EPHA6: variants seen among roughly 807,000 people sequenced by gnomAD.
EPHA6 encodes the protein ephrin type-A receptor 6.
EPHA6 carries 50 observed loss-of-function variants against 112.0 expected under a neutral mutation model. The ratio of observed to expected loss-of-function variants is 0.45; its 90% CI spans 0.36 to 0.56. The LOEUF (loss-of-function observed/expected upper bound fraction) is 0.56, where lower values mean the gene tolerates loss of function less well. EPHA6 is among the 20% of genes least tolerant of loss of function. EPHA6 has a pLI of 0.00. For missense variants in EPHA6, 1,280 were observed against 1,417.4 expected, an observed-to-expected ratio of 0.90 and a Z score of 1.56; for synonymous variants, 529 against 490.7, an observed-to-expected ratio of 1.08 and a Z score of -1.03.
chr3:96,942,754 G>T (rs2041041164), intron 2 of EPHA6, among the ~76,000 whole-genome samples: 1 of 152,176 alleles, frequency 6.6e-6, no homozygotes, highest in Non-Finnish European at 1.5e-5. Context: ...GGCCATCTTG[G>T]CTCCCGCTGC....
chr3:97,345,082 A>G (rs569492982), intron 5 of EPHA6, among the ~76,000 whole-genome samples: 81 of 144,224 alleles, frequency 5.6e-4, no homozygotes, highest in Admixed American at 9.5e-4. Context: ...AAATGAGGGG[A>G]AAAAAAAAAG....
At chr3:96,998,650 A>G (rs1045514622) in intron 3 of EPHA6, among the ~76,000 whole-genome samples, 57 of 151,942 alleles carry the variant, frequency 3.8e-4, no homozygotes, top group African/African-American at 1.3e-3. Flanking sequence ...GAGATTATGT[A>G]TAGGTTCTGT....
At chr3:97,597,035 A>T (rs745405274) in intron 12 of EPHA6, among the ~76,000 whole-genome samples, 11 of 151,388 alleles carry the variant, frequency 7.3e-5, no homozygotes, top group Non-Finnish European at 1.5e-4. Flanking sequence ...AACAAGTTTA[A>T]GATATCAATT....
chr3:97,719,222 C>G (rs1451314855), intron 14 of EPHA6, among the ~76,000 whole-genome samples: 5 of 151,868 alleles, frequency 3.3e-5, no homozygotes, highest in African/African-American at 4.8e-5. Context: ...CTACTTGCAC[C>G]AGGCTTTGCA....
At chr3:97,529,400 C>T (rs1475631438) in intron 10 of EPHA6, among the ~76,000 whole-genome samples, 1 of 151,810 alleles carries the variant, frequency 6.6e-6, no homozygotes, top group Admixed American at 6.6e-5. Context: ...GTAAGACCTA[C>T]CTTTGTAATG....
chr3:97,092,460 C>T (rs997753581), intron 3 of EPHA6, among the ~76,000 whole-genome samples: 11 of 151,872 alleles, frequency 7.2e-5, no homozygotes, highest in African/African-American at 2.4e-4. Context: ...TAGGCCTGAG[C>T]GAAAATAAGG....
rs554710540 is a variant in EPHA6 at position 97,498,472 on chromosome 3, A to T, written c.2200+14413A>T. Among the ~76,000 whole-genome samples the T allele has an allele frequency of 1.6e-3, 251 of 152,188 alleles. 2 individuals carry two copies. Among genetic ancestry groups the T allele is most frequent in the Non-Finnish European group, 1.1e-3 (74 of 68,010 alleles). On this transcript the variant is annotated intron_variant, in intron 10 of 17. Coordinates refer to ENST00000389672, the MANE Select transcript of EPHA6 (RefSeq NM_001080448.3). ...CAGTGAAATAATGGGCCATTACCTG[A>T]CTAAGGAGAAAAAAATAAAGGGGTA... is the stretch of plus-strand genomic sequence containing the variant.
At chr3:97,588,610 A>G (rs1160394962) in intron 11 of EPHA6, among the ~76,000 whole-genome samples, 2 of 152,196 alleles carry the variant, frequency 1.3e-5, no homozygotes, top group African/African-American at 4.8e-5. Context: ...AAATTTTATC[A>G]ATTTATTTCA....
intron 2 of EPHA6, among the ~76,000 whole-genome samples, chr3:96,980,439 G>C (rs1333942156): frequency 2.0e-5 from 3 of 151,888 alleles, no homozygotes; most frequent in African/African-American, 7.3e-5. Flanking sequence ...GTACCATGCT[G>C]TTTTGGTTAC....
chr3:97,179,577 G>A (rs558674674), intron 3 of EPHA6, among the ~76,000 whole-genome samples: 2 of 152,196 alleles, frequency 1.3e-5, no homozygotes, highest in East Asian at 3.9e-4. Flanking sequence ...CTTTAGTGGG[G>A]ACCTCAGGCC....
intron 3 of EPHA6, among the ~76,000 whole-genome samples, chr3:97,011,662 T>G (rs2044089697): frequency 1.3e-5 from 2 of 152,210 alleles, no homozygotes; most frequent in South Asian, 4.1e-4. Flanking sequence ...CAACTTTTAT[T>G]TTAGATTTAA....
intron 3 of EPHA6, among the ~76,000 whole-genome samples, chr3:97,201,587 A>G (rs903405576): frequency 2.0e-5 from 3 of 152,142 alleles, no homozygotes; most frequent in African/African-American, 7.2e-5. Flanking sequence ...ACAAAATAAT[A>G]TTAATGACTA....
At chr3:97,027,979 TA>T (rs2044700514) in intron 3 of EPHA6, among the ~76,000 whole-genome samples, 1 of 152,192 alleles carries the variant, frequency 6.6e-6, no homozygotes. Flanking sequence ...GAATTCCCTT[TA>T]AAACTGTCAA....
At chr3:96,939,463 C>T (rs1176422244) in intron 2 of EPHA6, among the ~76,000 whole-genome samples, 1 of 152,094 alleles carries the variant, frequency 6.6e-6, no homozygotes. Context: ...TCCCCTTTAT[C>T]ATTTTTATTG....
chr3:97,690,276 GTTCTAATT>G (rs2032568942), intron 14 of EPHA6, among the ~76,000 whole-genome samples: 1 of 152,176 alleles, frequency 6.6e-6, no homozygotes, highest in Non-Finnish European at 1.5e-5. Flanking sequence ...AGGAATGAGG[GTTCTAATT>G]TCAGGACATC....
chr3:97,300,926 A>G (rs1413485995), intron 5 of EPHA6, among the ~76,000 whole-genome samples: 1 of 152,076 alleles, frequency 6.6e-6, no homozygotes, highest in Admixed American at 6.6e-5. Context: ...ATCCTGTGAG[A>G]GTCCTGAAAT....
At chr3:97,607,282 C>G (rs919279506) in intron 12 of EPHA6, among the ~76,000 whole-genome samples, 2 of 149,776 alleles carry the variant, frequency 1.3e-5, no homozygotes, top group African/African-American at 4.9e-5. Flanking sequence ...TCTTTAACAA[C>G]AGCATGAGAA....
At chr3:97,296,808 C>T (rs527426159) in intron 5 of EPHA6, among the ~76,000 whole-genome samples, 1 of 152,132 alleles carries the variant, frequency 6.6e-6, no homozygotes, top group East Asian at 1.9e-4. Flanking sequence ...TGCACTGCAC[C>T]ACCTTTTCTC....
At chr3:97,609,759 C>A (rs1465478917) in intron 12 of EPHA6, among the ~76,000 whole-genome samples, 16 of 151,454 alleles carry the variant, frequency 1.1e-4, no homozygotes. Context: ...ATATTTCCAT[C>A]ATTGGTACAC....
Sources: gnomAD v4.1 joint callset for allele counts (sites outside exome capture counted in the v4.1 genomes callset) on GRCh38, gnomAD v4.1.1 for gene constraint, MANE v1.5 for transcripts, NCBI Gene and HGNC (gene_info 2026-07-23, HGNC 2026-07-21) for gene names.